TEX9: variants seen among roughly 807,000 people sequenced by gnomAD.
TEX9 encodes testis-expressed protein 9.
A neutral mutation model predicts 59.6 loss-of-function variants in TEX9; 74 were observed. That is an observed-to-expected ratio of 1.24 (90% confidence interval 1.03 to 1.51). The LOEUF (loss-of-function observed/expected upper bound fraction) is 1.51. TEX9 is among the 40% of genes most tolerant of loss of function. The probability of loss-of-function intolerance (pLI) is 0.00; values close to 1 mark genes in which losing one functional copy is unlikely to be tolerated. For synonymous variants in TEX9, 186 were observed against 152.2 expected (o/e 1.22, Z -1.64); for missense variants, 522 against 447.8 (o/e 1.17, Z -1.49).
chr15:56,264,805 T>C (rs78542977), intron 1 of TEX9, among the ~76,000 whole-genome samples: 6,737 of 152,342 alleles, frequency 0.044, 227 homozygotes, highest in Admixed American at 0.087. Flanking sequence ...GTTGAGATTT[T>C]GTTTTCTTTT....
chr15:56,391,217 A>T (rs765492407), intron 6 of TEX9, 26 bp from the exon 7 acceptor site: 1 of 1,473,534 alleles, frequency 6.8e-7, no homozygotes, highest in Admixed American at 2.3e-5. Context: ...ATATACATAC[A>T]TATGTATTTA....
chr15:56,337,656 A>G (rs1339910899), intron 1 of TEX9, among the ~76,000 whole-genome samples: 2 of 152,230 alleles, frequency 1.3e-5, no homozygotes, highest in Non-Finnish European at 2.9e-5. Context: ...TCTGTCACAC[A>G]AAGACTTCAT....
chr15:56,253,498 T>TC (rs1395248811), intron 1 of TEX9, among the ~76,000 whole-genome samples: 2 of 151,990 alleles, frequency 1.3e-5, no homozygotes, highest in Non-Finnish European at 2.9e-5. Flanking sequence ...CCTTCTGAGG[T>TC]CCCTAAAGAA....
intron 1 of TEX9, among the ~76,000 whole-genome samples, chr15:56,269,949 C>T (rs1236242072): frequency 6.6e-6 from 1 of 152,126 alleles, no homozygotes; most frequent in Non-Finnish European, 1.5e-5. Flanking sequence ...AGCCACCGCG[C>T]CCGGCCCTGA....
rs1428666014 is a variant in TEX9 at position 56,444,538 on chromosome 15, G to C, written c.*30-1133G>C. On this transcript the variant is annotated intron_variant, in intron 12 of 12. Transcript: ENST00000352903. ...TAAGCTTCCTGCTTTTTTTTTTCTT[G>C]TTCTTCAAGTTGTTTCTCTAAGTCA... 5 of 1,601,322 alleles carry C rather than the reference G, an allele frequency of 3.1e-6. No homozygotes were observed. The African/African-American group carries it at 5.5e-5, about 18-fold the overall frequency.
intron 3 of TEX9, chr15:56,374,744 A>G (rs1310393308): frequency 6.6e-6 from 1 of 151,764 alleles, no homozygotes; most frequent in South Asian, 2.1e-4. Flanking sequence ...TCAACTCTCT[A>G]TCTCCATATG....
intron 1 of TEX9, among the ~76,000 whole-genome samples, chr15:56,250,738 G>C (rs2043995290): frequency 6.6e-6 from 1 of 152,066 alleles, no homozygotes; most frequent in Non-Finnish European, 1.5e-5. Context: ...GCAACCCACA[G>C]GTGAAATTTC....
intron 1 of TEX9, among the ~76,000 whole-genome samples, chr15:56,255,874 G>A (rs2044134214): frequency 6.6e-6 from 1 of 151,896 alleles, no homozygotes; most frequent in South Asian, 2.1e-4. Context: ...AAGCTTGATC[G>A]AATAAAGGAC....
chr15:56,357,220 C>G (rs1398241013), intron 1 of TEX9, among the ~76,000 whole-genome samples: 1 of 152,078 alleles, frequency 6.6e-6, no homozygotes, highest in African/African-American at 2.4e-5. Flanking sequence ...CATGCTTGAT[C>G]CAAATTTTCA....
chr15:56,297,960 A>G (rs1335101890), intron 1 of TEX9, among the ~76,000 whole-genome samples: 1 of 152,218 alleles, frequency 6.6e-6, no homozygotes, highest in African/African-American at 2.4e-5. Flanking sequence ...ACTTTTTAAA[A>G]AATGAATGAA....
chr15:56,445,556 C>G (rs1427843100), intron 12 of TEX9: 2 of 151,896 alleles, frequency 1.3e-5, no homozygotes, highest in African/African-American at 4.8e-5. Context: ...AAAAATGTTT[C>G]TGATTATCTT....
rs142143490 is a variant in TEX9, at chr15:56,274,830, G to C, written c.-107+30552G>C. ...TTTGCTGTTGCTGGGTTTGTCTTCAGTGTACCACTGGCTTCATTCCTCTGC... is the reference window on the plus strand; with the variant it reads ...TTTGCTGTTGCTGGGTTTGTCTTCACTGTACCACTGGCTTCATTCCTCTGC... On this transcript the variant is annotated intron_variant, in intron 1 of 5. Transcript: ENST00000560827. 7.2e-5 allele frequency among the ~76,000 whole-genome samples: 11 copies of C among 152,254 alleles called. No homozygotes were observed. The East Asian group carries it at 2.1e-3, about 29-fold the overall frequency.
intron 10 of TEX9, among the ~76,000 whole-genome samples, chr15:56,413,406 A>C (rs1160200618): frequency 2.6e-5 from 4 of 150,996 alleles, no homozygotes; most frequent in Non-Finnish European, 5.9e-5. Context: ...AATTGTGGTA[A>C]GCTAACACAT....
Position 56,391,827 on chromosome 15 carries a change from T to C in TEX9, c.571+409T>C, listed in dbSNP as rs540115894. On this transcript the variant is annotated intron_variant, in intron 7 of 12. Coordinates refer to ENST00000352903, the Ensembl canonical transcript of TEX9. ...TCATTTACTGTTAATATATTTTATTTATTGCATGTTAAATCAACACATGCA... is the reference window on the plus strand; with the variant it reads ...TCATTTACTGTTAATATATTTTATTCATTGCATGTTAAATCAACACATGCA... Among the ~76,000 whole-genome samples the C allele has an allele frequency of 4.9e-3, 745 of 152,304 alleles. 3 individuals are homozygous for C. Among genetic ancestry groups the C allele is most frequent in the Non-Finnish European group, 9.0e-3 (610 of 68,014 alleles).
At position 56,416,354 on chromosome 15, in the gene TEX9, A is replaced by G. The variant is rs553840125; in HGVS notation, c.963+3918A>G. 6.6e-5 allele frequency among the ~76,000 whole-genome samples: 10 copies of G among 152,036 alleles called. No homozygotes were observed. The South Asian group carries it at 2.1e-3, about 31-fold the overall frequency. The stretch of plus-strand genomic sequence containing the variant: ...GTATAATGTTGGCTGTGGGTTTGCC[A>G]TAGATGGCTCTTATTATTTTGAGGT... On this transcript the variant is annotated intron_variant, in intron 10 of 12. Transcript: ENST00000352903.
At chr15:56,253,214 G>A (rs1307609184) in intron 1 of TEX9, among the ~76,000 whole-genome samples, 1 of 152,144 alleles carries the variant, frequency 6.6e-6, no homozygotes, top group Non-Finnish European at 1.5e-5. Flanking sequence ...AACTCTGCGT[G>A]TTTGAAATGC....
At chr15:56,437,995 G>A (rs1279637394) in intron 12 of TEX9, among the ~76,000 whole-genome samples, 1 of 152,176 alleles carries the variant, frequency 6.6e-6, no homozygotes, top group Non-Finnish European at 1.5e-5. Flanking sequence ...AACATTCCAT[G>A]CTCATGGATA....
intron 1 of TEX9, among the ~76,000 whole-genome samples, chr15:56,286,474 A>G (rs1019051875): frequency 1.3e-5 from 2 of 152,196 alleles, no homozygotes; most frequent in African/African-American, 2.4e-5. Context: ...CTCTTGGAGC[A>G]TCTAGGCAGA....
chr15:56,318,424 A>G (rs552236738), intron 1 of TEX9, among the ~76,000 whole-genome samples: 1 of 152,248 alleles, frequency 6.6e-6, no homozygotes, highest in Non-Finnish European at 1.5e-5. Context: ...TGTAGGCAGC[A>G]TATCGTTGGA....
Sources: allele counts gnomAD v4.1 joint callset (sites outside exome capture counted in the v4.1 genomes callset), GRCh38; gene constraint gnomAD v4.1.1; transcripts MANE v1.5; gene names NCBI Gene and HGNC (gene_info 2026-07-23, HGNC 2026-07-21).